Variants in SEMA3C observed in about 807,000 individuals in gnomAD.
The protein encoded by SEMA3C is semaphorin-3C.
A neutral mutation model predicts 89.4 loss-of-function variants in SEMA3C; 47 were observed. The ratio of observed to expected loss-of-function variants is 0.53; its 90% CI spans 0.42 to 0.67. The LOEUF is 0.67. Ranked by LOEUF, SEMA3C falls within the 30% of genes least tolerant of loss-of-function variation. The pLI is 0.00. For synonymous variants in SEMA3C, 310 were observed against 320.2 expected (o/e 0.97, Z 0.34); for missense variants, 839 against 929.1 (o/e 0.90, Z 1.26).
At chr7:80,891,923 A>T (rs1791624803) in intron 2 of SEMA3C, among the ~76,000 whole-genome samples, 1 of 152,214 alleles carries the variant, frequency 6.6e-6, no homozygotes, top group Admixed American at 6.5e-5. Flanking sequence ...AATTCAAACA[A>T]GAATAATCAA....
At chr7:80,901,696 T>C (rs1479343905) in intron 2 of SEMA3C, among the ~76,000 whole-genome samples, 2 of 152,230 alleles carry the variant, frequency 1.3e-5, no homozygotes, top group African/African-American at 4.8e-5. Context: ...TAGAATATCA[T>C]CTGCTGTTTC....
At chr7:80,784,990 G>A (rs1319826215) in intron 12 of SEMA3C, among the ~76,000 whole-genome samples, 1 of 151,764 alleles carries the variant, frequency 6.6e-6, no homozygotes, top group Non-Finnish European at 1.5e-5. Flanking sequence ...AGAGGACAAC[G>A]CTCACTTTTC....
chr7:80,831,824 G>A (rs545211857), intron 2 of SEMA3C, among the ~76,000 whole-genome samples: 9 of 152,236 alleles, frequency 5.9e-5, no homozygotes, highest in Middle Eastern at 3.4e-3. Context: ...AAAGATTGGC[G>A]TAAATTCCCC....
chr7:80,835,218 A>G (rs1790098214), intron 2 of SEMA3C, among the ~76,000 whole-genome samples: 1 of 152,166 alleles, frequency 6.6e-6, no homozygotes, highest in African/African-American at 2.4e-5. Flanking sequence ...TGTTCAATAT[A>G]CATTTATTGA....
Position 80,888,924 on chromosome 7 carries a change from C to T in SEMA3C, c.103+27755G>A, listed in dbSNP as rs1044945658. Among the ~76,000 whole-genome samples, 6 of 151,996 alleles carry T rather than the reference C, an allele frequency of 3.9e-5. No homozygotes were observed. In the South Asian group the frequency reaches 6.2e-4, roughly 16 times the overall value. On this transcript the variant is annotated intron_variant, in intron 2 of 17. Transcript: ENST00000265361. ...AGGAACCCTGGCTGGGGTGCAAGGGCGCGATCTCTGCTCACTGCAACCTCT... is the reference window on the plus strand; with the variant it reads ...AGGAACCCTGGCTGGGGTGCAAGGGTGCGATCTCTGCTCACTGCAACCTCT...
intron 5 of SEMA3C, among the ~76,000 whole-genome samples, chr7:80,812,177 G>A (rs1789485409): frequency 6.6e-6 from 1 of 152,096 alleles, no homozygotes; most frequent in Admixed American, 6.6e-5. Context: ...AGTTGTTTGA[G>A]TTTCTATACT....
At chr7:80,812,998 G>A (rs1789507216) in intron 5 of SEMA3C, among the ~76,000 whole-genome samples, 1 of 143,936 alleles carries the variant, frequency 6.9e-6, no homozygotes, top group African/African-American at 2.6e-5. Context: ...TAGAGACGGG[G>A]CTTTCGCCAT....
chr7:80,807,585 T>C (rs1048499666), intron 6 of SEMA3C, among the ~76,000 whole-genome samples: 10 of 152,054 alleles, frequency 6.6e-5, no homozygotes, highest in African/African-American at 2.2e-4. Context: ...TTCAAAAACA[T>C]TTTGCTTTCC....
At chr7:80,823,175 A>G (rs907549721) in intron 4 of SEMA3C, among the ~76,000 whole-genome samples, 1 of 152,198 alleles carries the variant, frequency 6.6e-6, no homozygotes, top group Non-Finnish European at 1.5e-5. Flanking sequence ...CAGTAGTGCA[A>G]TTTACTTTCT....
chr7:80,803,066 TATA>T (rs1243605550), intron 8 of SEMA3C, among the ~76,000 whole-genome samples: 1 of 152,212 alleles, frequency 6.6e-6, no homozygotes, highest in Non-Finnish European at 1.5e-5. Flanking sequence ...GAAGTATTTA[TATA>T]ATGTTATAGA....
At chr7:80,878,129 G>A (rs1791243767) in intron 2 of SEMA3C, among the ~76,000 whole-genome samples, 1 of 152,178 alleles carries the variant, frequency 6.6e-6, no homozygotes, top group Non-Finnish European at 1.5e-5. Flanking sequence ...TGTAATCCCA[G>A]CACTTTGGAA....
At chr7:80,864,264 G>A (rs1436757508) in intron 2 of SEMA3C, among the ~76,000 whole-genome samples, 1 of 151,262 alleles carries the variant, frequency 6.6e-6, no homozygotes, top group East Asian at 1.9e-4. Flanking sequence ...AGCGGGTGAG[G>A]GATAAAAGAC....
chr7:80,839,615 C>G (rs909554272), intron 2 of SEMA3C, among the ~76,000 whole-genome samples: 1 of 151,962 alleles, frequency 6.6e-6, no homozygotes, highest in Non-Finnish European at 1.5e-5. Flanking sequence ...AATATGGAAA[C>G]AAGTGTTAAA....
At chr7:80,904,816 G>A (rs1306734315) in intron 2 of SEMA3C, among the ~76,000 whole-genome samples, 2 of 152,100 alleles carry the variant, frequency 1.3e-5, no homozygotes. Flanking sequence ...AATTGGTCTG[G>A]GGTGTGGCCT....
At chr7:80,906,532 TA>T (rs915132127) in intron 2 of SEMA3C, among the ~76,000 whole-genome samples, 1 of 151,170 alleles carries the variant, frequency 6.6e-6, no homozygotes, top group African/African-American at 2.4e-5. Context: ...CTCATGTCAG[TA>T]AAAAAGAAGA....
At chr7:80,877,216 T>C (rs1481553623) in intron 2 of SEMA3C, among the ~76,000 whole-genome samples, 4 of 152,204 alleles carry the variant, frequency 2.6e-5, no homozygotes, top group African/African-American at 2.4e-5. Context: ...AATTACAAAA[T>C]TGAAGGCACA....
At position 80,864,900 on chromosome 7, in the gene SEMA3C, A is replaced by C. The variant is rs117323401; in HGVS notation, c.104-36155T>G. Among the ~76,000 whole-genome samples the C allele has an allele frequency of 9.1e-3, 1,384 of 152,238 alleles. 13 individuals carry two copies. The highest frequency in any genetic ancestry group is 0.017 in the Middle Eastern group (5 of 294). On this transcript the variant is annotated intron_variant, in intron 2 of 17. Coordinates refer to ENST00000265361, the MANE Select transcript of SEMA3C (RefSeq NM_006379.5). Reference sequence around the variant, plus strand: ...TGCCTTCTCCTGCAGAAGGTACCTTAATTTTCCCAGACACCCTGGTCAACA... The same window carrying C: ...TGCCTTCTCCTGCAGAAGGTACCTTCATTTTCCCAGACACCCTGGTCAACA...
chr7:80,866,935 G>A (rs181296313), intron 2 of SEMA3C, among the ~76,000 whole-genome samples: 8 of 152,270 alleles, frequency 5.3e-5, no homozygotes, highest in Non-Finnish European at 8.8e-5. Flanking sequence ...AGAGCAATAC[G>A]AGGCTGAAAT....
intron 2 of SEMA3C, among the ~76,000 whole-genome samples, chr7:80,894,732 A>T (rs1562973976): frequency 6.6e-6 from 1 of 151,608 alleles, no homozygotes; most frequent in Admixed American, 6.6e-5. Context: ...TTTCATAACT[A>T]TTTTTTTTAA....
Sources: gnomAD v4.1 joint callset for allele counts (sites outside exome capture counted in the v4.1 genomes callset) on GRCh38, gnomAD v4.1.1 for gene constraint, MANE v1.5 for transcripts, NCBI Gene and HGNC (gene_info 2026-07-23, HGNC 2026-07-21) for gene names.